OR5A1: variants seen among roughly 807,000 people sequenced by gnomAD.
OR5A1 encodes the protein olfactory receptor 5A1.
OR5A1 carries 6 observed loss-of-function variants against 6.7 expected under a neutral mutation model. The observed-to-expected ratio is 0.89, with a 90% CI of 0.49 to 1.76. The LOEUF (loss-of-function observed/expected upper bound fraction) is 1.76. OR5A1 is among the 40% of genes most tolerant of loss of function. The pLI, the probability that OR5A1 is intolerant of heterozygous loss-of-function variation, is 0.01. For missense variants in OR5A1, 378 were observed against 381.7 expected, an observed-to-expected ratio of 0.99 and a Z score of 0.08; for synonymous variants, 170 against 155.0, an observed-to-expected ratio of 1.10 and a Z score of -0.72.
chr11:59,441,197 G>A (rs1320885459), intron 1 of OR5A1, among the ~76,000 whole-genome samples: 1 of 152,156 alleles, frequency 6.6e-6, no homozygotes, highest in African/African-American at 2.4e-5. Context: ...TTATTGACTT[G>A]CAATGACTTC....
Position 59,449,222 on chromosome 11 carries a change from G to T in OR5A1, c.*5106G>T, listed in dbSNP as rs1434974527. 2.0e-5 allele frequency: 3 copies of T among 152,182 alleles called. No homozygotes were observed. Among genetic ancestry groups the T allele is most frequent in the African/African-American group, 7.2e-5 (3 of 41,460 alleles). 9.4% of individuals were successfully genotyped at this position (152,182 alleles called of 1,614,324 possible). On this transcript the variant is annotated 3_prime_UTR_variant, in exon 2 of 2. Transcript: ENST00000641045. ...TCTTATTCAGCATCAGTTAGGAACA[G>T]TGTAAACTGTTCATGTGTTTGGGTG...
At chr11:59,441,849 G>C (rs1858482973) in intron 1 of OR5A1, among the ~76,000 whole-genome samples, 2 of 152,028 alleles carry the variant, frequency 1.3e-5, no homozygotes, top group South Asian at 4.1e-4. Context: ...CTATGGGCCA[G>C]GCATGATCTA....
At chr11:59,438,101 T>C (rs2134533555) in intron 1 of OR5A1, among the ~76,000 whole-genome samples, 1 of 152,340 alleles carries the variant, frequency 6.6e-6, no homozygotes, top group South Asian at 2.1e-4. Context: ...CCGCCGTGAT[T>C]ATAGCTTCCT....
chr11:59,437,313 C>G (rs1858427811), intron 1 of OR5A1, among the ~76,000 whole-genome samples: 1 of 152,230 alleles, frequency 6.6e-6, no homozygotes, highest in East Asian at 1.9e-4. Flanking sequence ...TCCTAAAAAC[C>G]CTCTGTGCTC....
At chr11:59,441,817 A>G (rs879408789) in intron 1 of OR5A1, among the ~76,000 whole-genome samples, 1 of 152,212 alleles carries the variant, frequency 6.6e-6, no homozygotes, top group Non-Finnish European at 1.5e-5. Context: ...AGCAACAACA[A>G]CAAATACTTA....
rs543586581 is a variant in OR5A1, at chr11:59,448,000, G to A, written c.*3884G>A. The A allele has an allele frequency of 7.4e-4, 113 of 152,244 alleles. No homozygotes were observed. Among genetic ancestry groups the A allele is most frequent in the African/African-American group, 2.5e-3 (105 of 41,518 alleles). The allele number at this position is 152,244 out of a possible 1,614,324, so 9.4% of individuals were successfully genotyped here. A position where few individuals can be genotyped will look rare whatever the true frequency, so the allele number is the denominator to read the frequency against. ...TTGGCTTCCCTGGGCAACATTGGAA[G>A]AATTTGTCTTGGGCCACACAAAAAA... is the stretch of plus-strand genomic sequence containing the variant. On this transcript the variant is annotated 3_prime_UTR_variant, in exon 2 of 2. Coordinates refer to ENST00000641045, the MANE Select transcript of OR5A1 (RefSeq NM_001004728.2).
chr11:59,439,798 C>T (rs1858461693), intron 1 of OR5A1, among the ~76,000 whole-genome samples: 1 of 152,180 alleles, frequency 6.6e-6, no homozygotes, highest in Non-Finnish European at 1.5e-5. Flanking sequence ...AGTTCCTCAA[C>T]CTCACTCGTA....
Position 59,443,217 on chromosome 11 carries a change from C to A in OR5A1, c.49C>A (p.Leu17Ile). Residue 17 changes from leucine to isoleucine, a missense_variant, in exon 2 of 2, where the codon CTC (leucine) becomes ATC (isoleucine). Coordinates refer to ENST00000641045, the MANE Select transcript of OR5A1 (RefSeq NM_001004728.2). ...CAGCTCATCAGTGACCATGTTCATC[C>A]TCCTGGGATTCACAGACCATCCAGA... ...WNSSSVTMFI[L>I]LGFTDHPELQ... The A allele has an allele frequency of 6.2e-7, 1 of 1,614,112 alleles. No homozygotes were observed. Among genetic ancestry groups the A allele is most frequent in the Non-Finnish European group, 8.5e-7 (1 of 1,180,018 alleles).
intron 1 of OR5A1, among the ~76,000 whole-genome samples, chr11:59,442,073 C>A (rs1339406149): frequency 6.6e-6 from 1 of 152,102 alleles, no homozygotes; most frequent in East Asian, 1.9e-4. Context: ...GTTCAAGTGA[C>A]CTGGTCAACA....
chr11:59,440,497 C>A (rs2134534818), intron 1 of OR5A1, among the ~76,000 whole-genome samples: 1 of 152,324 alleles, frequency 6.6e-6, no homozygotes, highest in Admixed American at 6.5e-5. Context: ...TTTTCTAAAG[C>A]CTACCCAGGA....
At position 59,450,738 on chromosome 11, in the gene OR5A1, GTAGA is replaced by G. The variant is rs1417814587; in HGVS notation, c.*6625_*6628del. 2 of 152,068 alleles carry G rather than the reference GTAGA, an allele frequency of 1.3e-5. No individual in the cohort carries two copies. The highest frequency in any genetic ancestry group is 4.8e-5 in the African/African-American group (2 of 41,410). 9.4% of individuals were successfully genotyped at this position (152,068 alleles called of 1,614,324 possible). On this transcript the variant is annotated 3_prime_UTR_variant, in exon 2 of 2. Coordinates refer to ENST00000641045, the MANE Select transcript of OR5A1 (RefSeq NM_001004728.2). ...TACATCTTTTCAGACTTCTAGCCAT[GTAGA>G]TATTTTTCCCAAAAATAACATCATG...
In OR5A1 at chr11:59,448,816, A is replaced by G. The variant is rs1858582669; in HGVS notation, c.*4700A>G. On this transcript the variant is annotated 3_prime_UTR_variant, in exon 2 of 2. Transcript: ENST00000641045. ...TCAATTATTATAATTGATCTGTTGG[A>G]AAAAAATCAATTATGTGACCCAAAT... 6.6e-6 allele frequency: 1 copy of G among 152,206 alleles called. No homozygotes were observed. The highest frequency in any genetic ancestry group is 6.5e-5 in the Admixed American group (1 of 15,276). The allele number at this position is 152,206 out of a possible 1,614,324, so 9.4% of individuals were successfully genotyped here.
chr11:59,451,033 G>A lies in OR5A1; in HGVS notation c.*6917G>A, dbSNP rs943861483. The A allele has an allele frequency of 6.6e-6, 1 of 152,108 alleles. No individual in the cohort carries two copies. Among genetic ancestry groups the A allele is most frequent in the African/African-American group, 2.4e-5 (1 of 41,434 alleles). 9.4% of individuals were successfully genotyped at this position (152,108 alleles called of 1,614,324 possible). On this transcript the variant is annotated 3_prime_UTR_variant, in exon 2 of 2. Coordinates refer to ENST00000641045, the MANE Select transcript of OR5A1 (RefSeq NM_001004728.2). Reference sequence around the variant, plus strand: ...CATAAATTCCTAAAGTAGAAATTTTGAGTCACGGGGTTTGTACATATTACA... The same window carrying A: ...CATAAATTCCTAAAGTAGAAATTTTAAGTCACGGGGTTTGTACATATTACA...
Position 59,446,064 on chromosome 11 carries a change from C to G in OR5A1, c.*1948C>G, listed in dbSNP as rs1376165957. ...TTCATCATGAAATCTTTGCCAGTGC[C>G]TATGTCCTAAATGGCATTGCCTAGA... On this transcript the variant is annotated 3_prime_UTR_variant, in exon 2 of 2. Transcript: ENST00000641045. 6.6e-6 allele frequency: 1 copy of G among 152,156 alleles called. No individual in the cohort carries two copies. Among genetic ancestry groups the G allele is most frequent in the African/African-American group, 2.4e-5 (1 of 41,436 alleles). 9.4% of individuals were successfully genotyped at this position (152,156 alleles called of 1,614,324 possible).
In OR5A1 at chr11:59,447,616, G is replaced by A. The variant is rs547316083; in HGVS notation, c.*3500G>A. ...TGATCCTCACCCCTATTTGGTTGCA[G>A]TTACATCATTAGCTTCTTCAGGCAT... On this transcript the variant is annotated 3_prime_UTR_variant, in exon 2 of 2. Coordinates refer to ENST00000641045, the MANE Select transcript of OR5A1 (RefSeq NM_001004728.2). 1 of 152,330 alleles carries A rather than the reference G, an allele frequency of 6.6e-6. No individual in the cohort carries two copies. Among genetic ancestry groups the A allele is most frequent in the Admixed American group, 6.5e-5 (1 of 15,298 alleles). The allele number at this position is 152,330 out of a possible 1,614,324, so 9.4% of individuals were successfully genotyped here. A position where few individuals can be genotyped will look rare whatever the true frequency, so the allele number is the denominator to read the frequency against.
Position 59,448,533 on chromosome 11 carries a change from A to G in OR5A1, c.*4417A>G, listed in dbSNP as rs1184051255. 1 of 152,218 alleles carries G rather than the reference A, an allele frequency of 6.6e-6. No homozygotes were observed. Among genetic ancestry groups the G allele is most frequent in the Non-Finnish European group, 1.5e-5 (1 of 68,032 alleles). The allele number at this position is 152,218 out of a possible 1,614,324, so 9.4% of individuals were successfully genotyped here. Reference sequence around the variant, plus strand: ...GAAAATTGATTTTTAGAAATCTCTTAGAAAAAATTTAAAACATTATATAAA... The same window carrying G: ...GAAAATTGATTTTTAGAAATCTCTTGGAAAAAATTTAAAACATTATATAAA... On this transcript the variant is annotated 3_prime_UTR_variant, in exon 2 of 2. Transcript: ENST00000641045.
chr11:59,438,102 A>G (rs944335899), intron 1 of OR5A1, among the ~76,000 whole-genome samples: 1 of 152,200 alleles, frequency 6.6e-6, no homozygotes, highest in African/African-American at 2.4e-5. Context: ...CGCCGTGATT[A>G]TAGCTTCCTG....
Position 59,446,866 on chromosome 11 carries a change from T to C in OR5A1, c.*2750T>C, listed in dbSNP as rs1368346400. 2 of 152,230 alleles carry C rather than the reference T, an allele frequency of 1.3e-5. No homozygotes were observed. The highest frequency in any genetic ancestry group is 2.1e-4 in the South Asian group (1 of 4,832). 9.4% of individuals were successfully genotyped at this position (152,230 alleles called of 1,614,324 possible). On this transcript the variant is annotated 3_prime_UTR_variant, in exon 2 of 2. Coordinates refer to ENST00000641045, the MANE Select transcript of OR5A1 (RefSeq NM_001004728.2). ...TGATTTGATTGTTCATATAACAGAA[T>C]TAATTATTTCCTCCATATCTGGAAG... is the stretch of plus-strand genomic sequence containing the variant.
rs932763739 is a variant in OR5A1, at chr11:59,446,253, A to G, written c.*2137A>G. On this transcript the variant is annotated 3_prime_UTR_variant, in exon 2 of 2. Coordinates refer to ENST00000641045, the MANE Select transcript of OR5A1 (RefSeq NM_001004728.2). ...TTATTAGATAGGGAATCCTTTCCCC[A>G]TTGCTTGTCTTTATCAGGTTTGTCA... is the stretch of plus-strand genomic sequence containing the variant. 6.6e-6 allele frequency: 1 copy of G among 152,178 alleles called. No individual in the cohort carries two copies. Among genetic ancestry groups the G allele is most frequent in the Non-Finnish European group, 1.5e-5 (1 of 68,032 alleles). 9.4% of individuals were successfully genotyped at this position (152,178 alleles called of 1,614,324 possible).
Sources: allele counts gnomAD v4.1 joint callset (sites outside exome capture counted in the v4.1 genomes callset), GRCh38; gene constraint gnomAD v4.1.1; transcripts MANE v1.5; gene names NCBI Gene and HGNC (gene_info 2026-07-23, HGNC 2026-07-21).